Variants in TMEFF2 observed in about 807,000 individuals in gnomAD.
TMEFF2 encodes the protein tomoregulin-2.
TMEFF2 carries 28 observed loss-of-function variants against 53.8 expected under a neutral mutation model. The ratio of observed to expected loss-of-function variants is 0.52; its 90% CI spans 0.39 to 0.71. The LOEUF (loss-of-function observed/expected upper bound fraction) is 0.71. Among genes scored for constraint, TMEFF2 ranks in the 30% least tolerant of loss-of-function variants. TMEFF2 has a pLI of 0.00. For missense variants in TMEFF2, 353 were observed against 455.2 expected, an observed-to-expected ratio of 0.78 and a Z score of 2.04; for synonymous variants, 162 against 166.3, an observed-to-expected ratio of 0.97 and a Z score of 0.20.
At chr2:192,124,811 G>T (rs1689638335) in intron 4 of TMEFF2, among the ~76,000 whole-genome samples, 1 of 152,136 alleles carries the variant, frequency 6.6e-6, no homozygotes, top group Non-Finnish European at 1.5e-5. Flanking sequence ...CAATATTTCA[G>T]AGTTTTGTCA....
chr2:191,992,830 CTT>C (rs974289682), intron 7 of TMEFF2: 1 of 152,028 alleles, frequency 6.6e-6, no homozygotes, highest in Non-Finnish European at 1.5e-5. Flanking sequence ...TTGAGTAACT[CTT>C]TTGAGCATCT....
intron 7 of TMEFF2, among the ~76,000 whole-genome samples, chr2:191,964,166 A>G (rs889471551): frequency 4.6e-5 from 7 of 151,844 alleles, no homozygotes; most frequent in African/African-American, 1.7e-4. Context: ...CCTAGATTCT[A>G]TTGCTACTCT....
At chr2:191,984,143 A>AATTCT (rs1285110845) in intron 7 of TMEFF2, among the ~76,000 whole-genome samples, 11 of 152,246 alleles carry the variant, frequency 7.2e-5, no homozygotes, top group Admixed American at 2.6e-4. Context: ...TAAAGTAATA[A>AATTCT]AGGGCACTGT....
chr2:192,103,360 G>GTT (rs1689077150), intron 4 of TMEFF2, among the ~76,000 whole-genome samples: 1 of 151,940 alleles, frequency 6.6e-6, no homozygotes. Flanking sequence ...CTCATATCCT[G>GTT]TTCACACCTC....
chr2:192,079,630 T>C (rs1362153362), intron 4 of TMEFF2, among the ~76,000 whole-genome samples: 1 of 152,240 alleles, frequency 6.6e-6, no homozygotes, highest in African/African-American at 2.4e-5. Flanking sequence ...CTAATATATG[T>C]ACAAATAAAG....
chr2:191,971,151 A>C (rs968911583), intron 7 of TMEFF2, among the ~76,000 whole-genome samples: 1 of 152,216 alleles, frequency 6.6e-6, no homozygotes, highest in Non-Finnish European at 1.5e-5. Context: ...GAGTCTAAAC[A>C]GTTTACTTCT....
intron 4 of TMEFF2, among the ~76,000 whole-genome samples, chr2:192,104,748 A>G (rs1161833155): frequency 6.6e-6 from 1 of 152,038 alleles, no homozygotes; most frequent in African/African-American, 2.4e-5. Flanking sequence ...TCTGCAATTA[A>G]TTGTCACAAA....
chr2:192,126,702 C>T (rs1366458328), intron 4 of TMEFF2, among the ~76,000 whole-genome samples: 1 of 152,082 alleles, frequency 6.6e-6, no homozygotes, highest in Admixed American at 6.6e-5. Context: ...GATCTTGTTC[C>T]CTCTGACAGT....
chr2:192,012,561 T>C (rs1318812537), intron 5 of TMEFF2, among the ~76,000 whole-genome samples: 2 of 152,212 alleles, frequency 1.3e-5, no homozygotes, highest in Admixed American at 1.3e-4. Context: ...TCACAGGAGT[T>C]GAAGTTTAAG....
chr2:192,157,951 C>A (rs574824775), intron 4 of TMEFF2, among the ~76,000 whole-genome samples: 1 of 152,164 alleles, frequency 6.6e-6, no homozygotes, highest in East Asian at 1.9e-4. Context: ...TCTCAAATGG[C>A]CTTTTCCTTG....
chr2:192,053,745 G>T (rs1009331510), intron 5 of TMEFF2, among the ~76,000 whole-genome samples: 1 of 152,174 alleles, frequency 6.6e-6, no homozygotes, highest in Admixed American at 6.5e-5. Flanking sequence ...TGAAGGTTCT[G>T]TTGCCTAGTA....
chr2:192,017,565 T>C (rs933304062), intron 5 of TMEFF2, among the ~76,000 whole-genome samples: 1 of 152,222 alleles, frequency 6.6e-6, no homozygotes, highest in African/African-American at 2.4e-5. Context: ...GTTACCACTC[T>C]CGCTGGTTTT....
chr2:192,172,670 C>T (rs1690945011), intron 4 of TMEFF2, among the ~76,000 whole-genome samples: 1 of 151,912 alleles, frequency 6.6e-6, no homozygotes, highest in Non-Finnish European at 1.5e-5. Context: ...CATTAAGTCC[C>T]ATGGACTGAG....
intron 7 of TMEFF2, among the ~76,000 whole-genome samples, chr2:191,986,029 G>GA (rs1204473975): frequency 6.6e-6 from 1 of 152,172 alleles, no homozygotes; most frequent in Non-Finnish European, 1.5e-5. Context: ...AAGTTTTCAT[G>GA]AACACTTCAG....
chr2:192,099,440 C>A (rs1688984288), intron 4 of TMEFF2, among the ~76,000 whole-genome samples: 1 of 152,072 alleles, frequency 6.6e-6, no homozygotes, highest in Non-Finnish European at 1.5e-5. Flanking sequence ...CTTTTTTATT[C>A]AAGCCAGACA....
chr2:191,964,253 CTTCCTCCTT>C (rs1692356630), intron 7 of TMEFF2, among the ~76,000 whole-genome samples: 1 of 42,300 alleles, frequency 2.4e-5, no homozygotes, highest in African/African-American at 8.1e-5. Flanking sequence ...TCCTTCCTTC[CTTCCTCCTT>C]TCTTTTCTTT....
chr2:191,950,121 A>G lies in TMEFF2; in HGVS notation c.*190T>C. On this transcript the variant is annotated 3_prime_UTR_variant, in exon 10 of 10. Transcript: ENST00000272771. ...TTATTTACATTACAGAAAAAACATC[A>G]AGACAATGTATACTATTTCAAATAT... The G allele has an allele frequency of 7.5e-7, 1 of 1,337,940 alleles. No homozygotes were observed. Among genetic ancestry groups the G allele is most frequent in the Non-Finnish European group, 9.6e-7 (1 of 1,044,676 alleles). 82.9% of individuals were successfully genotyped at this position (1,337,940 alleles called of 1,614,324 possible).
At chr2:192,145,152 A>C (rs184983084) in intron 4 of TMEFF2, among the ~76,000 whole-genome samples, 1 of 152,016 alleles carries the variant, frequency 6.6e-6, no homozygotes, top group South Asian at 2.1e-4. Context: ...ACAATATCTT[A>C]CATTATTAAT....
At chr2:191,992,729 C>T (rs1396763807) in intron 7 of TMEFF2, 3 of 151,954 alleles carry the variant, frequency 2.0e-5, no homozygotes, top group Non-Finnish European at 2.9e-5. Flanking sequence ...CTCTTGCTTT[C>T]TCTTCTCTAT....
Sources: allele counts gnomAD v4.1 joint callset (sites outside exome capture counted in the v4.1 genomes callset), GRCh38; gene constraint gnomAD v4.1.1; transcripts MANE v1.5; gene names NCBI Gene and HGNC (gene_info 2026-07-23, HGNC 2026-07-21).